Variants in TAFA5 observed in about 807,000 individuals in gnomAD.
TAFA5 encodes the protein TAFA chemokine like family member 5, also known as chemokine-like protein TAFA-5.
A neutral mutation model predicts 15.3 loss-of-function variants in TAFA5; 6 were observed. The observed-to-expected ratio is 0.39, with a 90% CI of 0.21 to 0.77. TAFA5 has a LOEUF of 0.77. Among genes scored for constraint, TAFA5 ranks in the 30% least tolerant of loss-of-function variants. TAFA5 has a pLI of 0.41. For missense variants in TAFA5, 161 were observed against 193.1 expected (o/e 0.83, Z 0.98); for synonymous variants, 103 against 80.7 (o/e 1.28, Z -1.48).
At chr22:48,688,594 C>T (rs568473990) in intron 2 of TAFA5, among the ~76,000 whole-genome samples, 1 of 152,132 alleles carries the variant, frequency 6.6e-6, no homozygotes, top group Admixed American at 6.6e-5. Context: ...GGTGGCTTTC[C>T]CTGGCCGGCT....
intron 1 of TAFA5, among the ~76,000 whole-genome samples, chr22:48,625,819 C>G (rs1926007889): frequency 6.6e-6 from 1 of 152,184 alleles, no homozygotes; most frequent in Admixed American, 6.5e-5. Context: ...AGTTTCTCTG[C>G]CCTAAAAATA....
At chr22:48,699,516 A>G (rs373814133) in intron 2 of TAFA5, among the ~76,000 whole-genome samples, 10 of 152,252 alleles carry the variant, frequency 6.6e-5, no homozygotes, top group African/African-American at 1.9e-4. Flanking sequence ...CTCCGTGTGT[A>G]TACATTTCCC....
chr22:48,593,430 T>C (rs539653104), intron 1 of TAFA5, among the ~76,000 whole-genome samples: 1 of 151,478 alleles, frequency 6.6e-6, no homozygotes, highest in South Asian at 2.1e-4. Context: ...GGGAGACTGC[T>C]GTGGGCCTGG....
intron 2 of TAFA5, among the ~76,000 whole-genome samples, chr22:48,661,883 G>T (rs934451197): frequency 6.6e-6 from 1 of 151,968 alleles, no homozygotes; most frequent in African/African-American, 2.4e-5. Context: ...GCTCATTGGG[G>T]TGCCCACTTT....
chr22:48,607,479 C>T (rs111646933), intron 1 of TAFA5, among the ~76,000 whole-genome samples: 1 of 118,640 alleles, frequency 8.4e-6, no homozygotes, highest in South Asian at 2.7e-4. Context: ...AGGTCTGTCC[C>T]GGGTTCTGAT....
chr22:48,673,577 C>T (rs1182988862), intron 2 of TAFA5, among the ~76,000 whole-genome samples: 13 of 152,152 alleles, frequency 8.5e-5, no homozygotes, highest in Non-Finnish European at 1.6e-4. Context: ...GGTGCCCTGT[C>T]GCTGCTGGAC....
At chr22:48,721,872 G>A (rs1329242022) in intron 3 of TAFA5, among the ~76,000 whole-genome samples, 1 of 152,186 alleles carries the variant, frequency 6.6e-6, no homozygotes, top group African/African-American at 2.4e-5. Context: ...GGGAGGCTGA[G>A]GCAGGAGAAT....
At chr22:48,643,146 TGA>T (rs1926743154) in intron 1 of TAFA5, among the ~76,000 whole-genome samples, 1 of 152,184 alleles carries the variant, frequency 6.6e-6, no homozygotes, top group East Asian at 1.9e-4. Context: ...CCAGAAAGAC[TGA>T]GAGGCACTGC....
intron 1 of TAFA5, among the ~76,000 whole-genome samples, chr22:48,554,074 C>T (rs945642167): frequency 6.6e-6 from 1 of 152,250 alleles, no homozygotes; most frequent in Non-Finnish European, 1.5e-5. Flanking sequence ...CGGGCGGCCG[C>T]TCAGAAGAGC....
chr22:48,506,107 A>G (rs942578389), intron 1 of TAFA5, among the ~76,000 whole-genome samples: 19 of 152,058 alleles, frequency 1.2e-4, no homozygotes, highest in African/African-American at 4.3e-4. Flanking sequence ...GGCTGTCCCT[A>G]TCTCACTCCC....
chr22:48,674,376 C>T (rs1046145228), intron 2 of TAFA5, among the ~76,000 whole-genome samples: 7 of 152,182 alleles, frequency 4.6e-5, no homozygotes, highest in African/African-American at 1.4e-4. Context: ...CATGCCTGTC[C>T]ATGGTTTGGC....
chr22:48,575,302 C>T (rs1261250435), intron 1 of TAFA5, among the ~76,000 whole-genome samples: 3 of 151,472 alleles, frequency 2.0e-5, no homozygotes, highest in Non-Finnish European at 4.4e-5. Context: ...CCCGCCGGCG[C>T]GCCAGGCGGG....
At chr22:48,612,037 G>A (rs1470493986) in intron 1 of TAFA5, among the ~76,000 whole-genome samples, 1 of 152,178 alleles carries the variant, frequency 6.6e-6, no homozygotes, top group African/African-American at 2.4e-5. Context: ...TGCACAGGGT[G>A]GGTCTCAGAT....
chr22:48,642,692 C>T (rs1926726250), intron 1 of TAFA5, among the ~76,000 whole-genome samples: 1 of 152,054 alleles, frequency 6.6e-6, no homozygotes, highest in Non-Finnish European at 1.5e-5. Context: ...GGTGTGTGGC[C>T]TGCGTGGTCT....
rs1442779041 is a variant in TAFA5 at position 48,530,488 on chromosome 22, T to G, written c.112+40784T>G. Among the ~76,000 whole-genome samples the G allele has an allele frequency of 6.6e-6, 1 of 152,172 alleles. No individual in the cohort carries two copies. The highest frequency in any genetic ancestry group is 1.5e-5 in the Non-Finnish European group (1 of 68,026). ...CTCTGGCCAGGGACCTTGGGATGGT[T>G]CAGGGGAACCTGCTGCAGGTTTACA... On this transcript the variant is annotated intron_variant, in intron 1 of 3. Transcript: ENST00000402357. The surrounding 1 kb of genome is among the most constrained non-coding windows in gnomAD (Gnocchi z 6.0).
rs78224178 is a variant in TAFA5 at position 48,623,900 on chromosome 22, G to A, written c.113-22697G>A. Among the ~76,000 whole-genome samples, 992 of 152,270 alleles carry A rather than the reference G, an allele frequency of 6.5e-3. 10 individuals are homozygous for A. Among genetic ancestry groups the A allele is most frequent in the Middle Eastern group, 0.027 (8 of 292 alleles). ...CTTTTCACCTAATAATTATTAATAG[G>A]ACATTTTAACATTCATATACACGTT... On this transcript the variant is annotated intron_variant, in intron 1 of 3. Coordinates refer to ENST00000402357, the MANE Select transcript of TAFA5 (RefSeq NM_001082967.3).
At chr22:48,588,234 C>A (rs558779971) in intron 1 of TAFA5, among the ~76,000 whole-genome samples, 1 of 152,342 alleles carries the variant, frequency 6.6e-6, no homozygotes, top group South Asian at 2.1e-4. Flanking sequence ...CTGGCCATGA[C>A]CGCAGTGACT....
At chr22:48,576,909 C>T (rs1923831629) in intron 1 of TAFA5, among the ~76,000 whole-genome samples, 1 of 152,026 alleles carries the variant, frequency 6.6e-6, no homozygotes, top group African/African-American at 2.4e-5. Flanking sequence ...CAGCGGCGCC[C>T]GCCCGCACGC....
intron 1 of TAFA5, among the ~76,000 whole-genome samples, chr22:48,559,015 G>A (rs1030281626): frequency 2.0e-5 from 3 of 152,224 alleles, no homozygotes; most frequent in African/African-American, 7.2e-5. Context: ...GGTCATACAG[G>A]GGCCCTTATA....
Sources: allele counts gnomAD v4.1 joint callset (sites outside exome capture counted in the v4.1 genomes callset), GRCh38; gene constraint gnomAD v4.1.1; non-coding constraint Gnocchi (gnomAD v3.1); transcripts MANE v1.5; gene names NCBI Gene and HGNC (gene_info 2026-07-23, HGNC 2026-07-21).